The following SERBP1 variants were observed in gnomAD, a reference collection of about 807,000 sequenced individuals.
The protein encoded by SERBP1 is SERPINE1 mRNA binding protein 1.
A neutral mutation model predicts 50.2 loss-of-function variants in SERBP1; 6 were observed. The ratio of observed to expected loss-of-function variants is 0.12; its 90% CI spans 0.07 to 0.24. The LOEUF (loss-of-function observed/expected upper bound fraction) is 0.24, where lower values mean the gene tolerates loss of function less well. SERBP1 is among the 10% of genes least tolerant of loss of function. The pLI, the probability that SERBP1 is intolerant of heterozygous loss-of-function variation, is 1.00. For synonymous variants in SERBP1, 168 were observed against 182.8 expected (o/e 0.92, Z 0.65); for missense variants, 346 against 524.9 (o/e 0.66, Z 3.33).
Position 67,409,069 on chromosome 1 carries a change from TAC to T in SERBP1, c.*4136_*4137del, listed in dbSNP as rs1213168199. 2.6e-5 allele frequency: 4 copies of T among 151,958 alleles called. No individual in the cohort carries two copies. The highest frequency in any genetic ancestry group is 9.7e-5 in the African/African-American group (4 of 41,350). 9.4% of individuals were successfully genotyped at this position (151,958 alleles called of 1,614,324 possible). A position where few individuals can be genotyped will look rare whatever the true frequency, so the allele number is the denominator to read the frequency against. On this transcript the variant is annotated 3_prime_UTR_variant, in exon 8 of 8. Coordinates refer to ENST00000361219, the MANE Select transcript of SERBP1 (RefSeq NM_001018069.2). ...CAAGTGATTCTTGGGTGTGGTGGTG[TAC>T]ACCTGTAAAATTAGCTGTCTGTGGT... is the stretch of plus-strand genomic sequence containing the variant.
intron 7 of SERBP1, among the ~76,000 whole-genome samples, chr1:67,414,465 G>C (rs1266977939): frequency 6.6e-6 from 1 of 152,160 alleles, no homozygotes; most frequent in East Asian, 1.9e-4. Flanking sequence ...CAATCAAGTA[G>C]GTGGGTCCCC....
At chr1:67,427,170 A>G (rs1667415857) in intron 1 of SERBP1, among the ~76,000 whole-genome samples, 1 of 152,226 alleles carries the variant, frequency 6.6e-6, no homozygotes, top group South Asian at 2.1e-4. Context: ...CACACACGTT[A>G]AGACCGCTTT....
At chr1:67,427,825 T>G (rs913696037) in intron 1 of SERBP1, among the ~76,000 whole-genome samples, 3 of 152,250 alleles carry the variant, frequency 2.0e-5, no homozygotes, top group Non-Finnish European at 4.4e-5. Flanking sequence ...TATCTATAAC[T>G]TGCAAGCTCA....
rs1666752520 is a variant in SERBP1 at position 67,409,414 on chromosome 1, CA to C, written c.*3792del. On this transcript the variant is annotated 3_prime_UTR_variant, in exon 8 of 8. Transcript: ENST00000361219. ...ACACACACACACACACACACACACA[CA>C]CACACCCCCACACACACCAGGTCAC... 1 of 125,146 alleles carries C rather than the reference CA, an allele frequency of 8.0e-6. No homozygotes were observed. The highest frequency in any genetic ancestry group is 3.9e-5 in the African/African-American group (1 of 25,776). 7.8% of individuals were successfully genotyped at this position (125,146 alleles called of 1,614,324 possible). A position where few individuals can be genotyped will look rare whatever the true frequency, so the allele number is the denominator to read the frequency against.
rs549342049 is a variant in SERBP1, at chr1:67,423,990, C to T, written c.773+210G>A. ...TTGAGCCCAGGAATTGGAGACCTGC[C>T]TAGGCAATATAGTGAGACCCTGTCT... On this transcript the variant is annotated intron_variant, in intron 5 of 7. Coordinates refer to ENST00000361219, the MANE Select transcript of SERBP1 (RefSeq NM_001018069.2). 2.0e-5 allele frequency among the ~76,000 whole-genome samples: 3 copies of T among 152,202 alleles called. No individual in the cohort carries two copies. In the South Asian group the frequency reaches 6.2e-4, roughly 32 times the overall value.
chr1:67,422,969 CA>C (rs1456776607), intron 5 of SERBP1, among the ~76,000 whole-genome samples: 2 of 16,962 alleles, frequency 1.2e-4, no homozygotes, highest in African/African-American at 1.5e-4. Flanking sequence ...CCAAACAAAA[CA>C]AAACAAAACA....
intron 5 of SERBP1, among the ~76,000 whole-genome samples, chr1:67,420,723 C>T (rs1667173123): frequency 1.3e-5 from 2 of 152,136 alleles, no homozygotes; most frequent in South Asian, 2.1e-4. Flanking sequence ...AAACAATAGC[C>T]GTGTTTCTAC....
chr1:67,429,651 A>C (rs534350339), intron 1 of SERBP1: 73 of 237,736 alleles, frequency 3.1e-4, no homozygotes, highest in African/African-American at 1.4e-3. Context: ...ACCTCAGTCC[A>C]TGCGCTCACC....
intron 1 of SERBP1, among the ~76,000 whole-genome samples, chr1:67,428,486 TTAAGCA>T (rs1667459218): frequency 6.6e-6 from 1 of 152,208 alleles, no homozygotes; most frequent in African/African-American, 2.4e-5. Context: ...TTTCTTAAGC[TTAAGCA>T]TAGTTTAAAT....
Position 67,413,256 on chromosome 1 carries a change from G to A in SERBP1, c.1133C>T (p.Ala378Val). 6.3e-7 allele frequency: 1 copy of A among 1,584,738 alleles called. No homozygotes were observed. Among genetic ancestry groups the A allele is most frequent in the Non-Finnish European group, 8.5e-7 (1 of 1,170,384 alleles). The change falls in exon 8 of 8, where the codon GCT becomes GTT. Residue 378 changes from alanine (A) to valine (V), a missense_variant. Ala to Val is a moderately conservative substitution (Grantham distance 64, BLOSUM62 0). Transcript: ENST00000361219. ...NRGSRTDKSSASAPDVDDPEA... is the reference protein window; with the variant it reads ...NRGSRTDKSSVSAPDVDDPEA... ...TGGGTCATCCACATCAGGAGCAGAA[G>A]CACTTGACTGAAAAAGAAAAACCAA...
In SERBP1 at chr1:67,411,669, G is replaced by C. The variant is rs1279483495; in HGVS notation, c.*1538C>G. 5 of 152,114 alleles carry C rather than the reference G, an allele frequency of 3.3e-5. No homozygotes were observed. Among genetic ancestry groups the C allele is most frequent in the Non-Finnish European group, 5.9e-5 (4 of 67,994 alleles). 9.4% of individuals were successfully genotyped at this position (152,114 alleles called of 1,614,324 possible). ...TCTTATAACATAAAAGTTTCTTTTA[G>C]AAGTATATGTGAGAACCAATCAGCT... On this transcript the variant is annotated 3_prime_UTR_variant, in exon 8 of 8. Transcript: ENST00000361219.
intron 6 of SERBP1, among the ~76,000 whole-genome samples, chr1:67,419,397 T>G (rs993519732): frequency 6.6e-6 from 1 of 152,214 alleles, no homozygotes; most frequent in African/African-American, 2.4e-5. Context: ...GCGGGGTCAG[T>G]GCCCCTAGCA....
In SERBP1 at chr1:67,430,401, A is replaced by AG. The variant is rs748810573; in HGVS notation, c.-102dup. Reference sequence around the variant, plus strand: ...TCCCACAAGATGGCCGGGCCGAGAGAGGGGGGCCGTCTTCTCTTCCGGCGC... The same window carrying AG: ...TCCCACAAGATGGCCGGGCCGAGAGAGGGGGGGCCGTCTTCTCTTCCGGCGC... On this transcript the variant is annotated 5_prime_UTR_variant, in exon 1 of 8. Coordinates refer to ENST00000361219, the MANE Select transcript of SERBP1 (RefSeq NM_001018069.2). The AG allele has an allele frequency of 4.7e-5, 60 of 1,280,784 alleles. No homozygotes were observed. The highest frequency in any genetic ancestry group is 2.8e-4 in the Middle Eastern group (1 of 3,530). 79.3% of individuals were successfully genotyped at this position (1,280,784 alleles called of 1,614,324 possible).
Position 67,425,012 on chromosome 1 carries a change from T to A in SERBP1, c.606-35A>T, listed in dbSNP as rs535630956. On this transcript the variant is annotated intron_variant, in intron 3 of 7. Transcript: ENST00000361219. ...CTGAGTTAACATAATACTCTTTAGTTCTAGAAATTCAAAGTTTGTTTATTA... is the reference window on the plus strand; with the variant it reads ...CTGAGTTAACATAATACTCTTTAGTACTAGAAATTCAAAGTTTGTTTATTA... 1.7e-5 allele frequency: 28 copies of A among 1,603,608 alleles called. No homozygotes were observed. In the South Asian group the frequency reaches 3.1e-4, roughly 18 times the overall value.
chr1:67,416,011 CTTTT>C (rs376512995), intron 6 of SERBP1, among the ~76,000 whole-genome samples: 2 of 125,328 alleles, frequency 1.6e-5, no homozygotes, highest in African/African-American at 3.0e-5. Flanking sequence ...TCACAGGAAC[CTTTT>C]TTTTTTTTTT....
intron 5 of SERBP1, among the ~76,000 whole-genome samples, chr1:67,422,402 T>G (rs1667228787): frequency 6.6e-6 from 1 of 151,000 alleles, no homozygotes; most frequent in Non-Finnish European, 1.5e-5. Flanking sequence ...TCCCAGCTAC[T>G]CAGGAGCTGA....
rs866649471 is a variant in SERBP1, at chr1:67,425,204, T to C, written c.484A>G (p.Ile162Val). 1.9e-6 allele frequency: 3 copies of C among 1,608,406 alleles called. No individual in the cohort carries two copies. The highest frequency in any genetic ancestry group is 1.7e-6 in the Non-Finnish European group (2 of 1,178,738). Reference sequence around the variant, plus strand: ...CTTCCAAGACCACCACGACCTCGAATAGGTCGGTCAATAATCGGTCTATAA... The same window carrying C: ...CTTCCAAGACCACCACGACCTCGAACAGGTCGGTCAATAATCGGTCTATAA... ...SVDRPIIDRP[I>V]RGRGGLGRGR... The change falls in exon 3 of 8, where the codon ATT becomes GTT. Residue 162 changes from isoleucine to valine, a missense_variant. Physicochemically the swap from Ile to Val is conservative, Grantham distance 29. This residue lies in a region of SERBP1 where 257 missense variants were observed against 331.2 expected (regional missense o/e 0.78). Transcript: ENST00000361219.
At position 67,426,185 on chromosome 1, in the gene SERBP1, G is replaced by C. The variant is rs1396206557; in HGVS notation, c.414C>G (p.Phe138Leu). The change falls in exon 2 of 8, where the codon TTC becomes TTG. Residue 138 changes from phenylalanine (F) to leucine (L), a missense_variant. Phe to Leu is a conservative substitution (Grantham distance 22, BLOSUM62 0). Around this residue, in one of 5 missense-constraint regions of SERBP1, gnomAD observed 257 missense variants for 331.2 expected, o/e 0.78. Coordinates refer to ENST00000361219, the MANE Select transcript of SERBP1 (RefSeq NM_001018069.2). ...CACCCTTTTCTTCAAGTGGCTTTTC[G>C]AATCTTCGTTCACGAGGTGGTCGCC... Reference protein sequence around the residue: ...PERRPPRERRFEKPLEEKGEG... With the variant: ...PERRPPRERRLEKPLEEKGEG... 2 of 1,608,000 alleles carry C rather than the reference G, an allele frequency of 1.2e-6. No homozygotes were observed. The highest frequency in any genetic ancestry group is 8.5e-7 in the Non-Finnish European group (1 of 1,177,708).
In SERBP1 at chr1:67,424,517, G is replaced by A. The variant is rs182086787; in HGVS notation, c.696-240C>T. 76 of 514,866 alleles carry A rather than the reference G, an allele frequency of 1.5e-4. No individual in the cohort carries two copies. The East Asian group carries it at 2.4e-3, about 16-fold the overall frequency. 31.9% of individuals were successfully genotyped at this position (514,866 alleles called of 1,614,324 possible). Reference sequence around the variant, plus strand: ...TCATACTTAAAAAGTAACAGAACAAGGCAGTTAATTATAAAATGAAGCTTT... The same window carrying A: ...TCATACTTAAAAAGTAACAGAACAAAGCAGTTAATTATAAAATGAAGCTTT... On this transcript the variant is annotated intron_variant, in intron 4 of 7. Transcript: ENST00000361219.
Sources: allele counts gnomAD v4.1 joint callset (sites outside exome capture counted in the v4.1 genomes callset), GRCh38; gene constraint gnomAD v4.1.1; regional missense constraint gnomAD v4.1.1; transcripts MANE v1.5; gene names NCBI Gene and HGNC (gene_info 2026-07-23, HGNC 2026-07-21).